Variants in CPEB4 observed in about 807,000 individuals in gnomAD.
CPEB4 encodes the protein cytoplasmic polyadenylation element-binding protein 4.
CPEB4 carries 12 observed loss-of-function variants against 72.5 expected under a neutral mutation model. The observed-to-expected ratio is 0.17, with a 90% CI of 0.11 to 0.27. The LOEUF is 0.27. CPEB4 is among the 10% of genes least tolerant of loss of function. The pLI is 1.00. For synonymous variants in CPEB4, 302 were observed against 326.3 expected (o/e 0.93, Z 0.80); for missense variants, 614 against 908.5 (o/e 0.68, Z 4.17).
At position 173,890,105 on chromosome 5, in the gene CPEB4, G is replaced by T. The variant is rs920565677; in HGVS notation, c.372G>T (p.Ser124=). The change falls in exon 1 of 10, where the codon TCG becomes TCT. Residue 124 remains serine, a synonymous_variant. Coordinates refer to ENST00000265085, the MANE Select transcript of CPEB4 (RefSeq NM_030627.4). ...KSEENQGDNS[S]ENGNGKEKIR... is the part of the protein sequence containing the mutation. The stretch of plus-strand genomic sequence containing the variant: ...AAGAAAATCAAGGGGACAATTCTTC[G>T]GAAAATGGCAATGGGAAGGAGAAAA... The T allele has an allele frequency of 6.2e-7, 1 of 1,613,990 alleles. No individual in the cohort carries two copies. Among genetic ancestry groups the T allele is most frequent in the Admixed American group, 1.7e-5 (1 of 59,996 alleles).
At chr5:173,907,885 G>A (rs1223878185) in intron 1 of CPEB4, among the ~76,000 whole-genome samples, 1 of 152,212 alleles carries the variant, frequency 6.6e-6, no homozygotes, top group East Asian at 1.9e-4. Flanking sequence ...TCACCCTGTT[G>A]TGGTAGGCAT....
intron 1 of CPEB4, among the ~76,000 whole-genome samples, chr5:173,893,438 G>A (rs979038331): frequency 6.6e-6 from 1 of 151,982 alleles, no homozygotes; most frequent in African/African-American, 2.4e-5. Context: ...GCAACATAGT[G>A]AGACCCCCGT....
intron 2 of CPEB4, among the ~76,000 whole-genome samples, chr5:173,914,873 A>G (rs1278770322): frequency 6.6e-6 from 1 of 152,230 alleles, no homozygotes; most frequent in African/African-American, 2.4e-5. Flanking sequence ...TTCAAAGACA[A>G]CTTTAATAAT....
chr5:173,895,869 A>G (rs1453479958), intron 1 of CPEB4, among the ~76,000 whole-genome samples: 1 of 152,180 alleles, frequency 6.6e-6, no homozygotes, highest in African/African-American at 2.4e-5. Context: ...TCTTCAGAGA[A>G]GCCATGGAAT....
At chr5:173,953,329 T>C (rs749355389) in intron 9 of CPEB4, 57 bp downstream of exon 9, 22 of 1,325,148 alleles carry the variant, frequency 1.7e-5, no homozygotes, top group Non-Finnish European at 2.2e-5. Context: ...AATGTGTGAT[T>C]ACCAATATTA....
Position 173,936,893 on chromosome 5 carries a change from G to A in CPEB4, c.1258+4393G>A, listed in dbSNP as rs949332085. ...AGCTACTTCAAAAATGAACCTTGTG[G>A]CAGGAGAAAGTTATAGAGCAAAAAA... On this transcript the variant is annotated intron_variant, in intron 3 of 9. Transcript: ENST00000265085. Among the ~76,000 whole-genome samples, 23 of 151,184 alleles carry A rather than the reference G, an allele frequency of 1.5e-4. 1 individual carries two copies. The highest frequency in any genetic ancestry group is 1.2e-3 in the East Asian group (6 of 5,178).
At chr5:173,921,628 G>T (rs1039171234) in intron 2 of CPEB4, among the ~76,000 whole-genome samples, 1 of 152,176 alleles carries the variant, frequency 6.6e-6, no homozygotes, top group African/African-American at 2.4e-5. Flanking sequence ...GACGAGATGG[G>T]TGCACTCCGT....
chr5:173,955,894 T>G lies in CPEB4; in HGVS notation c.1963-16T>G. ...CCTAGTCACTGAAAAATGTAAACTCTTATTTTTGATTGCAGGTGGAAGTTA... is the reference window on the plus strand; with the variant it reads ...CCTAGTCACTGAAAAATGTAAACTCGTATTTTTGATTGCAGGTGGAAGTTA... On this transcript the variant is annotated splice_polypyrimidine_tract_variant and intron_variant, in intron 9 of 9. Coordinates refer to ENST00000265085, the MANE Select transcript of CPEB4 (RefSeq NM_030627.4). This position sits in a 1 kb window ranked among gnomAD's most constrained non-coding sequence, Gnocchi z 4.7. The G allele has an allele frequency of 6.2e-7, 1 of 1,600,514 alleles. No individual in the cohort carries two copies. Among genetic ancestry groups the G allele is most frequent in the Non-Finnish European group, 8.6e-7 (1 of 1,169,386 alleles).
chr5:173,957,341 C>T lies in CPEB4; in HGVS notation c.*1204C>T, dbSNP rs1478968370. On this transcript the variant is annotated 3_prime_UTR_variant, in exon 10 of 10. Coordinates refer to ENST00000265085, the MANE Select transcript of CPEB4 (RefSeq NM_030627.4). ...ACAGTTAAAAAAAGTGAAGTAGTTGCAAAGTGTTTTGCACTGTTGAACTAA... is the reference window on the plus strand; with the variant it reads ...ACAGTTAAAAAAAGTGAAGTAGTTGTAAAGTGTTTTGCACTGTTGAACTAA... The T allele has an allele frequency of 6.5e-6, 1 of 152,710 alleles. No individual in the cohort carries two copies. The highest frequency in any genetic ancestry group is 2.4e-5 in the African/African-American group (1 of 41,424). The allele number at this position is 152,710 out of a possible 1,614,324, so 9.5% of individuals were successfully genotyped here. A position where few individuals can be genotyped will look rare whatever the true frequency, so the allele number is the denominator to read the frequency against.
intron 1 of CPEB4, among the ~76,000 whole-genome samples, chr5:173,896,800 C>T (rs1485408335): frequency 6.6e-6 from 1 of 152,210 alleles, no homozygotes; most frequent in South Asian, 2.1e-4. Context: ...TGGGTCACAC[C>T]TGTGATCCTA....
chr5:173,951,966 T>G, intron 8 of CPEB4, 28 bp downstream of exon 8: 13 of 1,379,142 alleles, frequency 9.4e-6, no homozygotes, highest in Non-Finnish European at 1.2e-5. Flanking sequence ...ACAAACTCTC[T>G]ACCCTATAGC....
At chr5:173,936,829 T>C (rs979505499) in intron 3 of CPEB4, among the ~76,000 whole-genome samples, 24 of 145,900 alleles carry the variant, frequency 1.6e-4, no homozygotes, top group African/African-American at 5.1e-4. Context: ...TTTTTTTTTT[T>C]CTCTAACCTT....
intron 3 of CPEB4, among the ~76,000 whole-genome samples, chr5:173,935,793 G>A (rs1333749847): frequency 6.6e-6 from 1 of 151,848 alleles, no homozygotes; most frequent in Non-Finnish European, 1.5e-5. Context: ...AAAAGTCAGA[G>A]TCACCAACCA....
At position 173,901,779 on chromosome 5, in the gene CPEB4, G is replaced by A. The variant is rs985153911; in HGVS notation, c.1126-8744G>A. Among the ~76,000 whole-genome samples, 10 of 152,318 alleles carry A rather than the reference G, an allele frequency of 6.6e-5. No homozygotes were observed. In the South Asian group the frequency reaches 1.7e-3, roughly 25 times the overall value. ...TGTAAATGTTATGTAATTCATGTAA[G>A]ATGCACAACACAGAGCCAGGAGGAA... On this transcript the variant is annotated intron_variant, in intron 1 of 9. Transcript: ENST00000265085.
rs1758496121 is a variant in CPEB4, at chr5:173,959,884, T to C, written c.*3747T>C. 6.6e-6 allele frequency: 1 copy of C among 152,566 alleles called. No homozygotes were observed. Among genetic ancestry groups the C allele is most frequent in the African/African-American group, 2.4e-5 (1 of 41,466 alleles). The allele number at this position is 152,566 out of a possible 1,614,324, so 9.5% of individuals were successfully genotyped here. The stretch of plus-strand genomic sequence containing the variant: ...TAATTTTCATCAGATTTTTGTTATA[T>C]TTTTTGGAAGTGAAACTTTTAGCAA... On this transcript the variant is annotated 3_prime_UTR_variant, in exon 10 of 10. Transcript: ENST00000265085.
intron 3 of CPEB4, among the ~76,000 whole-genome samples, chr5:173,939,210 A>ATTT (rs1757737020): frequency 6.6e-6 from 1 of 152,188 alleles, no homozygotes. Flanking sequence ...AAATGTACAC[A>ATTT]ATAAGGATTC....
intron 5 of CPEB4, among the ~76,000 whole-genome samples, chr5:173,945,432 G>A (rs112960755): frequency 9.9e-5 from 15 of 152,280 alleles, no homozygotes; most frequent in Admixed American, 6.5e-4. Context: ...TACTAACTGC[G>A]TTTTTGTCTG....
intron 3 of CPEB4, among the ~76,000 whole-genome samples, chr5:173,933,083 A>G (rs934704857): frequency 1.3e-5 from 2 of 152,170 alleles, no homozygotes; most frequent in Non-Finnish European, 2.9e-5. Context: ...GGGAATATCC[A>G]CTCACAAGAA....
chr5:173,917,765 C>T (rs1756925224), intron 2 of CPEB4, among the ~76,000 whole-genome samples: 1 of 152,118 alleles, frequency 6.6e-6, no homozygotes, highest in African/African-American at 2.4e-5. Flanking sequence ...TAACGCAAAC[C>T]AGTTAATTTT....
Sources: gnomAD v4.1 joint callset for allele counts (sites outside exome capture counted in the v4.1 genomes callset) on GRCh38, gnomAD v4.1.1 for gene constraint, Gnocchi (gnomAD v3.1) non-coding constraint, MANE v1.5 for transcripts, NCBI Gene and HGNC (gene_info 2026-07-23, HGNC 2026-07-21) for gene names.